The following NALF1 variants were observed in gnomAD, a reference collection of about 807,000 sequenced individuals.
The protein encoded by NALF1 is family with sequence similarity 155 member A.
Under a neutral mutation model 48.4 loss-of-function variants are expected in NALF1, and 3 were observed. The observed-to-expected ratio is 0.06, with a 90% CI of 0.03 to 0.16. The LOEUF is 0.16. NALF1 is among the 10% of genes least tolerant of loss of function. NALF1 has a pLI of 1.00. For synonymous variants in NALF1, 262 were observed against 245.7 expected, an observed-to-expected ratio of 1.07 and a Z score of -0.62; for missense variants, 526 against 571.5, an observed-to-expected ratio of 0.92 and a Z score of 0.81.
At chr13:107,422,444 C>T (rs1399833796) in intron 1 of NALF1, among the ~76,000 whole-genome samples, 1 of 151,772 alleles carries the variant, frequency 6.6e-6, no homozygotes, top group African/African-American at 2.4e-5. Context: ...AGTTTAAAAA[C>T]TACTGCATGA....
intron 1 of NALF1, among the ~76,000 whole-genome samples, chr13:107,254,808 A>G (rs1293347127): frequency 1.3e-5 from 2 of 152,242 alleles, no homozygotes; most frequent in Non-Finnish European, 2.9e-5. Flanking sequence ...TCAGTCAGGC[A>G]AATGCTATAA....
At chr13:107,861,739 C>T (rs1057057997) in intron 1 of NALF1, among the ~76,000 whole-genome samples, 4 of 152,292 alleles carry the variant, frequency 2.6e-5, no homozygotes, top group Admixed American at 6.5e-5. Context: ...GCCAACATTG[C>T]GCCACTGCAC....
intron 1 of NALF1, among the ~76,000 whole-genome samples, chr13:107,376,918 G>A (rs975660704): frequency 6.6e-6 from 1 of 152,172 alleles, no homozygotes; most frequent in Admixed American, 6.5e-5. Context: ...ATTGTTCTGT[G>A]ATTCTTCTGT....
chr13:107,656,597 G>C (rs1880582785), intron 1 of NALF1, among the ~76,000 whole-genome samples: 1 of 152,032 alleles, frequency 6.6e-6, no homozygotes, highest in South Asian at 2.1e-4. Flanking sequence ...GAAAACAATA[G>C]GGGGATTCCT....
chr13:107,809,882 A>G (rs1337859935), intron 1 of NALF1, among the ~76,000 whole-genome samples: 1 of 152,044 alleles, frequency 6.6e-6, no homozygotes, highest in African/African-American at 2.4e-5. Flanking sequence ...TTCTGTCTCA[A>G]GGAAGAAATA....
intron 1 of NALF1, among the ~76,000 whole-genome samples, chr13:107,440,750 A>C (rs1347227177): frequency 6.6e-6 from 1 of 152,190 alleles, no homozygotes. Flanking sequence ...CGAATTCTCC[A>C]AGTTAAAATC....
At chr13:107,798,779 A>C (rs913352637) in intron 1 of NALF1, among the ~76,000 whole-genome samples, 11 of 152,234 alleles carry the variant, frequency 7.2e-5, no homozygotes, top group Admixed American at 5.2e-4. Flanking sequence ...TTTCTAGCTA[A>C]GTCCTACTTT....
intron 1 of NALF1, among the ~76,000 whole-genome samples, chr13:107,256,553 C>T (rs1880819043): frequency 6.6e-6 from 1 of 152,152 alleles, no homozygotes; most frequent in Admixed American, 6.5e-5. Context: ...ATTCAAAAAC[C>T]ATCACCTAAT....
At chr13:107,201,516 C>G (rs9520322) in intron 2 of NALF1, among the ~76,000 whole-genome samples, 69,285 of 151,764 alleles carry the variant, frequency 0.46, 16,571 homozygotes, top group Non-Finnish European at 0.54. Flanking sequence ...GGGGGAGCTT[C>G]CAGTGAGTCG....
chr13:107,626,065 C>T (rs909576311), intron 1 of NALF1, among the ~76,000 whole-genome samples: 1 of 151,884 alleles, frequency 6.6e-6, no homozygotes, highest in Non-Finnish European at 1.5e-5. Flanking sequence ...TTATGAACAA[C>T]ATAAGATTGG....
intron 1 of NALF1, among the ~76,000 whole-genome samples, chr13:107,629,018 G>A (rs1211464729): frequency 6.6e-6 from 1 of 152,116 alleles, no homozygotes; most frequent in Non-Finnish European, 1.5e-5. Context: ...TTACTTAGAA[G>A]AAGTTGTATT....
intron 1 of NALF1, among the ~76,000 whole-genome samples, chr13:107,690,538 A>G (rs978160368): frequency 5.3e-5 from 8 of 152,246 alleles, no homozygotes; most frequent in African/African-American, 1.9e-4. Context: ...AGTGGAACAG[A>G]TCAACTCTGT....
chr13:107,344,557 C>T (rs1882739679), intron 1 of NALF1, among the ~76,000 whole-genome samples: 1 of 152,030 alleles, frequency 6.6e-6, no homozygotes, highest in Non-Finnish European at 1.5e-5. Context: ...TGTAATACAC[C>T]ACATCAACCA....
intron 1 of NALF1, among the ~76,000 whole-genome samples, chr13:107,598,852 T>G (rs1878833671): frequency 6.6e-6 from 1 of 152,178 alleles, no homozygotes; most frequent in Admixed American, 6.5e-5. Context: ...CTAGCTTATT[T>G]TTCTTCTCAC....
At chr13:107,253,142 T>C (rs1880737353) in intron 1 of NALF1, among the ~76,000 whole-genome samples, 1 of 150,614 alleles carries the variant, frequency 6.6e-6, no homozygotes, top group Non-Finnish European at 1.5e-5. Flanking sequence ...CAATTCATAC[T>C]TGTGAAGATC....
At chr13:107,476,890 C>T (rs953916705) in intron 1 of NALF1, among the ~76,000 whole-genome samples, 1 of 151,720 alleles carries the variant, frequency 6.6e-6, no homozygotes, top group Non-Finnish European at 1.5e-5. Context: ...ATTTGTAAGT[C>T]AATAAACAAT....
chr13:107,543,847 G>T (rs1370561228), intron 1 of NALF1, among the ~76,000 whole-genome samples: 1 of 151,722 alleles, frequency 6.6e-6, no homozygotes, highest in African/African-American at 2.4e-5. Flanking sequence ...AAAACCTCTA[G>T]AGTTCTCAAA....
intron 1 of NALF1, among the ~76,000 whole-genome samples, chr13:107,510,559 T>A (rs182694963): frequency 6.6e-6 from 1 of 152,178 alleles, no homozygotes; most frequent in African/African-American, 2.4e-5. Context: ...TTAAAACCTG[T>A]CTAATTTAGT....
At chr13:107,696,113 G>A (rs1172792277) in intron 1 of NALF1, among the ~76,000 whole-genome samples, 1 of 152,078 alleles carries the variant, frequency 6.6e-6, no homozygotes, top group Non-Finnish European at 1.5e-5. Context: ...GGCCAGGCTG[G>A]CCTTGAACTC....
Sources: gnomAD v4.1 joint callset for allele counts (sites outside exome capture counted in the v4.1 genomes callset) on GRCh38, gnomAD v4.1.1 for gene constraint, MANE v1.5 for transcripts, NCBI Gene and HGNC (gene_info 2026-07-23, HGNC 2026-07-21) for gene names.